The following PHIP variants were observed in gnomAD, a reference collection of about 807,000 sequenced individuals.
PHIP encodes the protein PHIP subunit of CUL4-Ring ligase complex, also known as PH-interacting protein.
In PHIP, 54 loss-of-function variants were observed where a neutral mutation model predicts 236.8. The observed-to-expected ratio is 0.23, with a 90% CI of 0.18 to 0.29. PHIP has a LOEUF of 0.29. Ranked by LOEUF, PHIP falls within the 10% of genes least tolerant of loss-of-function variation. The pLI, the probability that PHIP is intolerant of heterozygous loss-of-function variation, is 1.00. For missense variants in PHIP, 1,370 were observed against 2,190.8 expected, an observed-to-expected ratio of 0.63 and a Z score of 7.48; for synonymous variants, 756 against 718.9, an observed-to-expected ratio of 1.05 and a Z score of -0.83.
At chr6:79,043,096 G>A in intron 6 of PHIP, 93 bp from the exon 7 acceptor site, 1 of 1,004,196 alleles carries the variant, frequency 1.0e-6, no homozygotes, top group South Asian at 1.4e-5. Context: ...AATTTGTCAT[G>A]TGCAGGTAAA....
In PHIP at chr6:78,961,691, T is replaced by C; in HGVS notation, c.3655A>G (p.Arg1219Gly). ...IKQRLENRFY[R>G]RVSSLMWEVR... ...GTAGCTACATCAAATGGTTCTAACC[T>C]GTAAAACCTGTTTTCCAGTCTTTGT... The change falls in exon 31 of 40, where the codon AGG (arginine) becomes GGG (glycine). Residue 1219 changes from arginine (R) to glycine (G), a missense_variant and splice_region_variant. By Grantham distance (125) the Arg-to-Gly change is moderately radical. Around this residue, in one of 14 missense-constraint regions of PHIP, gnomAD observed 238 missense variants for 398.5 expected, o/e 0.60. Coordinates refer to ENST00000275034, the MANE Select transcript of PHIP (RefSeq NM_017934.7). 6.2e-7 allele frequency: 1 copy of C among 1,611,650 alleles called. No individual in the cohort carries two copies. Among genetic ancestry groups the C allele is most frequent in the Non-Finnish European group, 8.5e-7 (1 of 1,178,226 alleles).
rs1312395269 is a variant in PHIP, at chr6:78,946,175, G to C, written c.4456C>G (p.Pro1486Ala). Reference sequence around the variant, plus strand: ...ATCTGAGCAGCATTGTGTCTTGGCGGTATTGATCGTGTAGGTGTAGAGAAT... The same window carrying C: ...ATCTGAGCAGCATTGTGTCTTGGCGCTATTGATCGTGTAGGTGTAGAGAAT... Reference protein sequence around the residue: ...SAFSTPTRSIPPRHNAAQING... With the variant: ...SAFSTPTRSIAPRHNAAQING... The change falls in exon 38 of 40, where the codon CCG (proline) becomes GCG (alanine). Residue 1486 changes from proline (P) to alanine (A), a missense_variant. By Grantham distance (27) the Pro-to-Ala change is conservative (BLOSUM62 -1). Around this residue, in one of 14 missense-constraint regions of PHIP, gnomAD observed 309 missense variants for 328.3 expected, o/e 0.94. Coordinates refer to ENST00000275034, the MANE Select transcript of PHIP (RefSeq NM_017934.7). 11 of 1,613,764 alleles carry C rather than the reference G, an allele frequency of 6.8e-6. No homozygotes were observed. Among genetic ancestry groups the C allele is most frequent in the Non-Finnish European group, 8.5e-6 (10 of 1,179,788 alleles).
At chr6:79,065,620 G>A (rs141758874) in intron 4 of PHIP, among the ~76,000 whole-genome samples, 10 of 151,948 alleles carry the variant, frequency 6.6e-5, no homozygotes, top group African/African-American at 2.2e-4. Context: ...CTGTTTTCTT[G>A]GTTGCACACT....
At position 78,965,986 on chromosome 6, in the gene PHIP, T is replaced by A; in HGVS notation, c.3276A>T (p.Gln1092His). Residue 1092 changes from glutamine (Q) to histidine (H), a missense_variant, in exon 28 of 40, where the codon CAA (glutamine) becomes CAT (histidine). Gln to His is a conservative substitution (Grantham distance 24). Transcript: ENST00000275034. ...GAAACAGACTATCAGGGTACTCAAG[T>A]TGAAGAGGTTCCTGGCTTTCGATTG... ...FGTIESQEPL[Q>H]LEYPDSLFQC... 6.2e-7 allele frequency: 1 copy of A among 1,613,366 alleles called. No individual in the cohort carries two copies. Among genetic ancestry groups the A allele is most frequent in the Non-Finnish European group, 8.5e-7 (1 of 1,179,326 alleles).
intron 32 of PHIP, chr6:78,956,189 C>T (rs1455201097): frequency 2.0e-5 from 3 of 152,108 alleles, no homozygotes; most frequent in Non-Finnish European, 4.4e-5. Context: ...AGTGACTCCC[C>T]AGATATCCTT....
Position 78,990,995 on chromosome 6 carries a change from A to G in PHIP, c.2202-10T>C. On this transcript the variant is annotated splice_polypyrimidine_tract_variant and intron_variant, in intron 19 of 39. Transcript: ENST00000275034. ...CCATTCTTCTTGCCTACTGAAAGAC[A>G]AAAGCCATATGCATTAATCTAGAAT... 6.6e-7 allele frequency: 1 copy of G among 1,513,618 alleles called. No homozygotes were observed. Among genetic ancestry groups the G allele is most frequent in the Non-Finnish European group, 9.1e-7 (1 of 1,093,576 alleles). The allele number at this position is 1,513,618 out of a possible 1,614,324, so 93.8% of individuals were successfully genotyped here.
In PHIP at chr6:79,025,561, G is replaced by C; in HGVS notation, c.881C>G (p.Thr294Ser). Reference protein sequence around the residue: ...RYLSSTGADGTICFWLWDAGT... With the variant: ...RYLSSTGADGSICFWLWDAGT... ...AGCATCCCAGAGCCAAAAACAAATA[G>C]TGCCATCTGCCCCAGTAGAAGATAG... is the stretch of plus-strand genomic sequence containing the variant. Residue 294 changes from threonine to serine, a missense_variant, in exon 9 of 40, where the codon ACT (threonine) becomes AGT (serine). By Grantham distance (58) the Thr-to-Ser change is moderately conservative. This residue lies in a region of PHIP where 188 missense variants were observed against 354.3 expected (regional missense o/e 0.53). Coordinates refer to ENST00000275034, the MANE Select transcript of PHIP (RefSeq NM_017934.7). The C allele has an allele frequency of 1.9e-6, 3 of 1,612,012 alleles. No homozygotes were observed. Among genetic ancestry groups the C allele is most frequent in the Non-Finnish European group, 2.5e-6 (3 of 1,178,242 alleles).
intron 15 of PHIP, among the ~76,000 whole-genome samples, chr6:79,006,402 G>A (rs965977124): frequency 3.3e-5 from 5 of 151,850 alleles, no homozygotes; most frequent in Non-Finnish European, 7.4e-5. Flanking sequence ...TGTATGGTAC[G>A]ATTAAGTAAG....
intron 35 of PHIP, among the ~76,000 whole-genome samples, chr6:78,952,979 T>G (rs1319388383): frequency 6.6e-6 from 1 of 152,142 alleles, no homozygotes; most frequent in African/African-American, 2.4e-5. Flanking sequence ...GAGAGGGTAC[T>G]AATATTTTCA....
chr6:79,063,498 C>T (rs1562219975), intron 4 of PHIP, among the ~76,000 whole-genome samples: 1 of 152,146 alleles, frequency 6.6e-6, no homozygotes, highest in Non-Finnish European at 1.5e-5. Flanking sequence ...CTCACTGCAA[C>T]CTCCGCCTCC....
chr6:79,072,652 T>A (rs1773947181), intron 4 of PHIP, among the ~76,000 whole-genome samples: 1 of 149,510 alleles, frequency 6.7e-6, no homozygotes, highest in African/African-American at 2.4e-5. Context: ...CCTGGCTAAT[T>A]TTTTTTTTTA....
intron 38 of PHIP, 33 bp from the exon 39 acceptor site, chr6:78,945,530 AGT>A (rs1274651509): frequency 7.4e-7 from 1 of 1,343,076 alleles, no homozygotes; most frequent in African/African-American, 1.5e-5. Context: ...AAAAATTAAG[AGT>A]TATTGAACCT....
At chr6:78,982,059 A>G (rs1049134688) in intron 23 of PHIP, among the ~76,000 whole-genome samples, 6 of 152,040 alleles carry the variant, frequency 3.9e-5, no homozygotes, top group African/African-American at 1.4e-4. Context: ...GTCTCCTACT[A>G]TTTAATTCTA....
intron 7 of PHIP, among the ~76,000 whole-genome samples, chr6:79,028,018 T>C (rs1161558958): frequency 6.6e-6 from 1 of 152,172 alleles, no homozygotes; most frequent in Non-Finnish European, 1.5e-5. Context: ...AGTATTCATA[T>C]TCTTATTTTA....
intron 1 of PHIP, 53 bp from the exon 2 acceptor site, chr6:79,077,966 G>T (rs1023116855): frequency 1.0e-5 from 16 of 1,591,384 alleles, no homozygotes; most frequent in Non-Finnish European, 1.3e-5. Flanking sequence ...TCGGGCGGCG[G>T]GGGGCGGGGG....
At chr6:79,018,700 G>T (rs531760108) in intron 10 of PHIP, among the ~76,000 whole-genome samples, 3 of 151,886 alleles carry the variant, frequency 2.0e-5, no homozygotes, top group South Asian at 2.1e-4. Flanking sequence ...GTACAAATAT[G>T]AATCAAATTT....
rs187585730 is a variant in PHIP, at chr6:78,965,017, G to A, written c.3379+686C>T. On this transcript the variant is annotated intron_variant, in intron 29 of 39. Transcript: ENST00000275034. ...ATAATCTCCAGGCTTTGGTCCCAACGTCCTTTTCTCAGTGCAAGGAAGATG... is the reference window on the plus strand; with the variant it reads ...ATAATCTCCAGGCTTTGGTCCCAACATCCTTTTCTCAGTGCAAGGAAGATG... Among the ~76,000 whole-genome samples the A allele has an allele frequency of 7.9e-5, 12 of 152,202 alleles. No homozygotes were observed. The East Asian group carries it at 1.5e-3, about 20-fold the overall frequency.
At chr6:79,050,125 TAA>T (rs551243000) in intron 6 of PHIP, among the ~76,000 whole-genome samples, 1 of 144,718 alleles carries the variant, frequency 6.9e-6, no homozygotes, top group Non-Finnish European at 1.5e-5. Context: ...ATCTGACGAT[TAA>T]AAAAAAAAAG....
chr6:79,027,510 A>C (rs971973938), intron 7 of PHIP, among the ~76,000 whole-genome samples: 3 of 152,192 alleles, frequency 2.0e-5, no homozygotes, highest in African/African-American at 7.2e-5. Context: ...TAAGCGATTC[A>C]TGCATTCATT....
Sources: gnomAD v4.1 joint callset for allele counts (sites outside exome capture counted in the v4.1 genomes callset) on GRCh38, gnomAD v4.1.1 for gene constraint, gnomAD v4.1.1 regional missense constraint, MANE v1.5 for transcripts, NCBI Gene and HGNC (gene_info 2026-07-23, HGNC 2026-07-21) for gene names.